The following AOAH variants were observed in gnomAD, a reference collection of about 807,000 sequenced individuals.
AOAH encodes the protein acyloxyacyl hydrolase.
Under a neutral mutation model 92.2 loss-of-function variants are expected in AOAH, and 64 were observed. The observed-to-expected ratio is 0.69, with a 90% CI of 0.57 to 0.86. AOAH has a LOEUF of 0.86. Ranked by LOEUF, AOAH falls within the 40% of genes least tolerant of loss-of-function variation. The pLI is 0.00. For missense variants in AOAH, 656 were observed against 694.6 expected (o/e 0.94, Z 0.62); for synonymous variants, 263 against 254.5 (o/e 1.03, Z -0.32).
At chr7:36,533,695 GTGTGTT>G (rs747830912) in intron 16 of AOAH, among the ~76,000 whole-genome samples, 58 of 151,278 alleles carry the variant, frequency 3.8e-4, no homozygotes, top group African/African-American at 6.8e-4. Flanking sequence ...GTGTGTGTGT[GTGTGTT>G]TGTGTGTGTG....
At chr7:36,597,553 T>C (rs759351016) in intron 11 of AOAH, among the ~76,000 whole-genome samples, 1 of 152,226 alleles carries the variant, frequency 6.6e-6, no homozygotes, top group African/African-American at 2.4e-5. Flanking sequence ...GCAGAATTTA[T>C]GAGCTGTGTT....
intron 7 of AOAH, among the ~76,000 whole-genome samples, chr7:36,622,485 T>C (rs892295119): frequency 1.3e-5 from 2 of 152,228 alleles, no homozygotes; most frequent in African/African-American, 4.8e-5. Flanking sequence ...TCCCAAACTT[T>C]TGGGACTTTG....
chr7:36,639,119 T>A (rs1322760763), intron 4 of AOAH, among the ~76,000 whole-genome samples: 1 of 152,250 alleles, frequency 6.6e-6, no homozygotes, highest in African/African-American at 2.4e-5. Context: ...AAACATGACA[T>A]CTTTAATACA....
rs370442167 is a variant in AOAH, at chr7:36,672,529, C to T, written c.290+1414G>A. On this transcript the variant is annotated intron_variant, in intron 3 of 20. Transcript: ENST00000617537. ...GTAAACTATCACAAGATCAGAAAAC[C>T]AAACACCACATGTTCTCACTCATAA... 3.4e-4 allele frequency among the ~76,000 whole-genome samples: 52 copies of T among 152,278 alleles called. No homozygotes were observed. The South Asian group carries it at 0.011, about 31-fold the overall frequency.
At chr7:36,592,866 T>C (rs115217479) in intron 12 of AOAH, among the ~76,000 whole-genome samples, 174 of 152,358 alleles carry the variant, frequency 1.1e-3, no homozygotes, top group African/African-American at 4.1e-3. Flanking sequence ...TGACAAGGAC[T>C]AGCCTTTTTT....
intron 19 of AOAH, among the ~76,000 whole-genome samples, chr7:36,524,857 G>A (rs953917242): frequency 6.6e-6 from 1 of 151,866 alleles, no homozygotes; most frequent in Non-Finnish European, 1.5e-5. Flanking sequence ...TTTAGCCTCC[G>A]GAACTGTGAG....
intron 4 of AOAH, among the ~76,000 whole-genome samples, chr7:36,649,781 C>G: frequency 6.6e-6 from 1 of 152,170 alleles, no homozygotes; most frequent in East Asian, 1.9e-4. Flanking sequence ...TGTTTGCCGC[C>G]GTGGCAGACC....
At chr7:36,590,342 C>T (rs953231783) in intron 12 of AOAH, among the ~76,000 whole-genome samples, 1 of 151,982 alleles carries the variant, frequency 6.6e-6, no homozygotes, top group Non-Finnish European at 1.5e-5. Flanking sequence ...TCAATCTCTT[C>T]CTGAATCACA....
intron 15 of AOAH, among the ~76,000 whole-genome samples, chr7:36,545,823 G>A (rs1785768582): frequency 6.6e-6 from 1 of 152,226 alleles, no homozygotes; most frequent in South Asian, 2.1e-4. Context: ...GCGCTGGGAT[G>A]TTGGCAAAGG....
intron 2 of AOAH, among the ~76,000 whole-genome samples, chr7:36,685,290 C>T (rs748363329): frequency 1.3e-5 from 2 of 152,092 alleles, no homozygotes; most frequent in Admixed American, 6.6e-5. Context: ...GGCAAGGTTA[C>T]GATATCTAGG....
At chr7:36,570,016 A>G (rs1433622624) in intron 13 of AOAH, among the ~76,000 whole-genome samples, 1 of 152,186 alleles carries the variant, frequency 6.6e-6, no homozygotes, top group Non-Finnish European at 1.5e-5. Context: ...TGTGGTAAGA[A>G]CACTTAACAT....
chr7:36,585,116 G>C (rs111398903), intron 12 of AOAH, among the ~76,000 whole-genome samples: 1 of 152,026 alleles, frequency 6.6e-6, no homozygotes, highest in Non-Finnish European at 1.5e-5. Flanking sequence ...AGTTAGATGG[G>C]GGGTCAGTAT....
intron 4 of AOAH, among the ~76,000 whole-genome samples, chr7:36,648,310 T>C (rs988635583): frequency 2.0e-5 from 3 of 152,238 alleles, no homozygotes; most frequent in East Asian, 1.9e-4. Context: ...TAAAATCTCA[T>C]TTTAATTTTT....
chr7:36,601,371 G>T (rs78848405), intron 11 of AOAH, among the ~76,000 whole-genome samples: 4 of 149,718 alleles, frequency 2.7e-5, no homozygotes, highest in African/African-American at 7.3e-5. Flanking sequence ...GGGAGGGAGA[G>T]GGGGGAAGGG....
chr7:36,628,251 T>C (rs1312934628), intron 6 of AOAH, among the ~76,000 whole-genome samples: 1 of 152,196 alleles, frequency 6.6e-6, no homozygotes, highest in Non-Finnish European at 1.5e-5. Context: ...TGGGGGTTTC[T>C]GCATATAGAC....
intron 13 of AOAH, among the ~76,000 whole-genome samples, chr7:36,555,806 G>C (rs564203637): frequency 6.6e-6 from 1 of 152,298 alleles, no homozygotes; most frequent in East Asian, 1.9e-4. Context: ...ATGGTAGTTT[G>C]TATTTCTGTG....
intron 20 of AOAH, among the ~76,000 whole-genome samples, chr7:36,517,892 C>T (rs765521294): frequency 2.6e-5 from 4 of 151,660 alleles, no homozygotes; most frequent in East Asian, 1.9e-4. Context: ...TGATCCACTA[C>T]GCCTGGCCCT....
intron 20 of AOAH, chr7:36,514,402 A>G: frequency 8.4e-7 from 1 of 1,196,712 alleles, no homozygotes; most frequent in Non-Finnish European, 1.2e-6. Context: ...GTCTGGCTGA[A>G]GTGCCAGAGA....
intron 4 of AOAH, among the ~76,000 whole-genome samples, chr7:36,646,745 G>A (rs1421977744): frequency 2.0e-5 from 3 of 152,042 alleles, no homozygotes; most frequent in African/African-American, 7.2e-5. Context: ...TAGTGGTGAT[G>A]GCCTCATGGC....
Sources: gnomAD v4.1 joint callset for allele counts (sites outside exome capture counted in the v4.1 genomes callset) on GRCh38, gnomAD v4.1.1 for gene constraint, MANE v1.5 for transcripts, NCBI Gene and HGNC (gene_info 2026-07-23, HGNC 2026-07-21) for gene names.